Variants in SPAG16 observed in about 807,000 individuals in gnomAD.
SPAG16 encodes sperm-associated antigen 16 protein.
Under a neutral mutation model 80.4 loss-of-function variants are expected in SPAG16, and 86 were observed. That is an observed-to-expected ratio of 1.07 (90% CI 0.90 to 1.28). SPAG16 has a LOEUF of 1.28. Ranked by LOEUF, SPAG16 falls within the 50% of genes most tolerant of loss-of-function variation. SPAG16 has a pLI of 0.00. For synonymous variants in SPAG16, 294 were observed against 265.9 expected (o/e 1.11, Z -1.03); for missense variants, 870 against 765.3 (o/e 1.14, Z -1.61).
intron 15 of SPAG16, among the ~76,000 whole-genome samples, chr2:214,398,193 G>T (rs1701505814): frequency 1.3e-5 from 2 of 152,240 alleles, no homozygotes; most frequent in African/African-American, 4.8e-5. Flanking sequence ...ATGAAAGAAG[G>T]CATCCTAATA....
intron 2 of SPAG16, 153 bp from the exon 3 acceptor site, chr2:213,297,109 T>C: frequency 2.8e-5 from 42 of 1,477,236 alleles, no homozygotes; most frequent in Non-Finnish European, 3.7e-5. Context: ...AAAGCAGTTA[T>C]TCATTTTTCA....
At chr2:214,142,646 T>G (rs1226347307) in intron 14 of SPAG16, among the ~76,000 whole-genome samples, 1 of 152,120 alleles carries the variant, frequency 6.6e-6, no homozygotes, top group African/African-American at 2.4e-5. Context: ...TGCCCTCTGG[T>G]TTTGAAACCA....
chr2:213,764,566 TTC>T (rs1454741397), intron 10 of SPAG16, among the ~76,000 whole-genome samples: 2 of 152,130 alleles, frequency 1.3e-5, no homozygotes. Flanking sequence ...AAGAAATAAC[TTC>T]TAGGAACTTC....
At chr2:213,731,257 A>G (rs2067025511) in intron 10 of SPAG16, among the ~76,000 whole-genome samples, 1 of 149,792 alleles carries the variant, frequency 6.7e-6, no homozygotes. Flanking sequence ...CCCAGGTCCA[A>G]GTGATTCTCC....
At chr2:213,986,859 G>A (rs1031294201) in intron 12 of SPAG16, among the ~76,000 whole-genome samples, 2 of 107,866 alleles carry the variant, frequency 1.9e-5, no homozygotes, top group Admixed American at 2.6e-4. Context: ...ACTGAAAACA[G>A]TTTCTAGTCA....
At position 213,633,878 on chromosome 2, in the gene SPAG16, T is replaced by C. The variant is rs189361793; in HGVS notation, c.1070+143788T>C. On this transcript the variant is annotated intron_variant, in intron 10 of 15. Transcript: ENST00000331683. The stretch of plus-strand genomic sequence containing the variant: ...TTTTGGCTTCCATCAGCATGGAATA[T>C]CTTTTTTTATCCCTTTATTTTCAGT... Among the ~76,000 whole-genome samples, 15 of 152,286 alleles carry C rather than the reference T, an allele frequency of 9.8e-5. No homozygotes were observed. In the East Asian group the frequency reaches 2.9e-3, roughly 29 times the overall value.
chr2:213,976,137 C>CATATAT (rs1559648429), intron 12 of SPAG16, among the ~76,000 whole-genome samples: 1 of 93,828 alleles, frequency 1.1e-5, no homozygotes, highest in Non-Finnish European at 2.1e-5. Flanking sequence ...TATATATATA[C>CATATAT]ACACACACAC....
At chr2:213,408,714 ACT>A (rs1445001958) in intron 9 of SPAG16, among the ~76,000 whole-genome samples, 2 of 152,084 alleles carry the variant, frequency 1.3e-5, no homozygotes, top group Non-Finnish European at 2.9e-5. Flanking sequence ...TGATAGGGAA[ACT>A]CTTGTAGAAG....
At chr2:213,339,029 A>G (rs1559426317) in intron 5 of SPAG16, among the ~76,000 whole-genome samples, 1 of 152,048 alleles carries the variant, frequency 6.6e-6, no homozygotes, top group African/African-American at 2.4e-5. Context: ...GAACTTAAAA[A>G]AAAAAAAAAG....
chr2:213,412,752 T>TA (rs1327775725), intron 9 of SPAG16, among the ~76,000 whole-genome samples: 1 of 151,810 alleles, frequency 6.6e-6, no homozygotes, highest in Non-Finnish European at 1.5e-5. Context: ...ATGAAGAAAA[T>TA]AAATGAAACC....
chr2:213,577,401 G>A (rs187043168), intron 10 of SPAG16, among the ~76,000 whole-genome samples: 5 of 152,146 alleles, frequency 3.3e-5, no homozygotes, highest in Admixed American at 2.0e-4. Flanking sequence ...TGGGATCTGT[G>A]CAATTTGTAC....
At chr2:214,019,231 T>C (rs1355946073) in intron 13 of SPAG16, among the ~76,000 whole-genome samples, 3 of 151,954 alleles carry the variant, frequency 2.0e-5, no homozygotes, top group African/African-American at 7.2e-5. Context: ...TTAAAATAAA[T>C]GCAATGAGAT....
At chr2:214,153,942 A>G (rs2056097630) in intron 15 of SPAG16, among the ~76,000 whole-genome samples, 1 of 152,156 alleles carries the variant, frequency 6.6e-6, no homozygotes, top group African/African-American at 2.4e-5. Context: ...CTTGTGACAA[A>G]CACAGATACA....
At chr2:213,583,535 C>T (rs1984610) in intron 10 of SPAG16, among the ~76,000 whole-genome samples, 41,706 of 151,946 alleles carry the variant, frequency 0.27, 6,484 homozygotes, top group Middle Eastern at 0.43. Flanking sequence ...GCTTCATATA[C>T]TGCTAAATCT....
chr2:213,423,622 T>C (rs2069732781), intron 9 of SPAG16, among the ~76,000 whole-genome samples: 1 of 152,196 alleles, frequency 6.6e-6, no homozygotes, highest in Admixed American at 6.5e-5. Flanking sequence ...CTATTAGCTG[T>C]TATTAATCAT....
chr2:213,728,876 C>CAAAAAAAAAAAAAAAAAAAAAAAA lies in SPAG16; in HGVS notation c.1071-133587_1071-133564dup, dbSNP rs58070679. On this transcript the variant is annotated intron_variant, in intron 10 of 15. Coordinates refer to ENST00000331683, the MANE Select transcript of SPAG16 (RefSeq NM_024532.5). The stretch of plus-strand genomic sequence containing the variant: ...TGGGCGACAGAGTGAGACTCCGTCT[C>CAAAAAAAAAAAAAAAAAAAAAAAA]AAAAAAAAAAAAAAAAAAAAAAAAA... Among the ~76,000 whole-genome samples, 14 of 58,462 alleles carry CAAAAAAAAAAAAAAAAAAAAAAAA rather than the reference C, an allele frequency of 2.4e-4. 1 individual carries two copies. Among genetic ancestry groups the CAAAAAAAAAAAAAAAAAAAAAAAA allele is most frequent in the East Asian group, 5.0e-4 (1 of 1,984 alleles). The allele number at this position is 58,462 out of a possible 152,430, so 38.4% of individuals were successfully genotyped here.
intron 6 of SPAG16, among the ~76,000 whole-genome samples, chr2:213,340,581 G>A (rs1559428451): frequency 6.6e-6 from 1 of 152,128 alleles, no homozygotes; most frequent in East Asian, 1.9e-4. Context: ...TCAAGTATGA[G>A]TAAGAGTAGA....
intron 10 of SPAG16, among the ~76,000 whole-genome samples, chr2:213,610,344 T>G (rs1039492987): frequency 6.6e-6 from 1 of 152,158 alleles, no homozygotes; most frequent in African/African-American, 2.4e-5. Context: ...TTCCCTTTTC[T>G]TAATGTAGGA....
Position 213,867,878 on chromosome 2 carries a change from C to T in SPAG16, c.1214+5250C>T, listed in dbSNP as rs565908204. ...GGTGGAGCGTGCAGTGAGCTGAGAT[C>T]GCGCCACTGCACTCCAGCTTGGGTG... On this transcript the variant is annotated intron_variant, in intron 11 of 15. Coordinates refer to ENST00000331683, the MANE Select transcript of SPAG16 (RefSeq NM_024532.5). 2.0e-4 allele frequency among the ~76,000 whole-genome samples: 26 copies of T among 133,224 alleles called. No individual in the cohort carries two copies. The East Asian group carries it at 3.3e-3, about 17-fold the overall frequency. 87.4% of individuals were successfully genotyped at this position (133,224 alleles called of 152,430 possible). A position where few individuals can be genotyped will look rare whatever the true frequency, so the allele number is the denominator to read the frequency against.
Sources: allele counts gnomAD v4.1 joint callset (sites outside exome capture counted in the v4.1 genomes callset), GRCh38; gene constraint gnomAD v4.1.1; transcripts MANE v1.5; gene names NCBI Gene and HGNC (gene_info 2026-07-23, HGNC 2026-07-21).